The following PEAK1 variants were observed in gnomAD, a reference collection of about 807,000 sequenced individuals.
PEAK1 encodes pseudopodium enriched atypical kinase 1, also known as inactive tyrosine-protein kinase PEAK1.
In PEAK1, 54 loss-of-function variants were observed where a neutral mutation model predicts 124.7. The ratio of observed to expected loss-of-function variants is 0.43; its 90% CI spans 0.35 to 0.54. The LOEUF is 0.54. PEAK1 is among the 20% of genes least tolerant of loss of function. The pLI is 0.01. For missense variants in PEAK1, 2,046 were observed against 2,134.5 expected (o/e 0.96, Z 0.82); for synonymous variants, 719 against 760.0 (o/e 0.95, Z 0.89).
chr15:77,359,545 A>G (rs887417762), intron 2 of PEAK1, among the ~76,000 whole-genome samples: 5 of 152,176 alleles, frequency 3.3e-5, no homozygotes, highest in African/African-American at 1.2e-4. Flanking sequence ...ATGATCTTAC[A>G]TATTAAAAAG....
At chr15:77,372,381 C>T (rs2068706172) in intron 1 of PEAK1, among the ~76,000 whole-genome samples, 1 of 152,064 alleles carries the variant, frequency 6.6e-6, no homozygotes, top group Non-Finnish European at 1.5e-5. Flanking sequence ...AATTTGTAGC[C>T]CTCCATAGCC....
chr15:77,152,529 A>G (rs982216925), intron 8 of PEAK1, among the ~76,000 whole-genome samples: 2 of 152,128 alleles, frequency 1.3e-5, no homozygotes, highest in African/African-American at 4.8e-5. Context: ...CACTATGTTG[A>G]ATAGGAGCGG....
At chr15:77,229,646 TTTC>T (rs759097483) in intron 6 of PEAK1, among the ~76,000 whole-genome samples, 16 of 150,700 alleles carry the variant, frequency 1.1e-4, no homozygotes, top group Admixed American at 2.6e-4. Flanking sequence ...CTTTCTTTTC[TTTC>T]TTTTTTTTTT....
chr15:77,239,355 A>C (rs1164550844), intron 6 of PEAK1, among the ~76,000 whole-genome samples: 1 of 151,938 alleles, frequency 6.6e-6, no homozygotes, highest in Non-Finnish European at 1.5e-5. Context: ...AAGGGTAAGA[A>C]ACACTGGTAC....
chr15:77,209,596 G>A (rs1349474618), intron 6 of PEAK1, among the ~76,000 whole-genome samples: 1 of 152,140 alleles, frequency 6.6e-6, no homozygotes, highest in Admixed American at 6.6e-5. Context: ...GAAAACTCTG[G>A]CAAAGTCACA....
At chr15:77,151,079 C>A (rs547321009) in intron 8 of PEAK1, among the ~76,000 whole-genome samples, 35 of 152,018 alleles carry the variant, frequency 2.3e-4, no homozygotes, top group Admixed American at 1.6e-3. Flanking sequence ...ATGCCTGAGG[C>A]ATCGCCACAC....
rs762113646 is a variant in PEAK1, at chr15:77,179,454, G to A, written c.2473C>T (p.Pro825Ser). Residue 825 changes from proline to serine, a missense_variant, in exon 7 of 10, where the codon CCT becomes TCT. Pro to Ser is a moderately conservative substitution (Grantham distance 74). Coordinates refer to ENST00000682557, the MANE Select transcript of PEAK1 (RefSeq NM_001385026.1). ...TGAGGTGCTTCAGCCTCACCACTAG[G>A]CTGAGATGTAAAGAGAGATTTGGGC... ...VRPKSLFTSQ[P>S]SGEAEAPQTT... 1.2e-6 allele frequency: 2 copies of A among 1,614,002 alleles called. No homozygotes were observed. Among genetic ancestry groups the A allele is most frequent in the Admixed American group, 3.3e-5 (2 of 59,974 alleles).
At chr15:77,309,297 T>C (rs917371302) in intron 2 of PEAK1, among the ~76,000 whole-genome samples, 1 of 152,050 alleles carries the variant, frequency 6.6e-6, no homozygotes, top group Non-Finnish European at 1.5e-5. Context: ...CATAGAAAGT[T>C]CAGCGGCCAC....
At chr15:77,395,622 A>T (rs1044045057) in intron 1 of PEAK1, among the ~76,000 whole-genome samples, 2 of 152,160 alleles carry the variant, frequency 1.3e-5, no homozygotes, top group African/African-American at 4.8e-5. Context: ...TTTTCAGTGG[A>T]AACTTTACAG....
At chr15:77,255,813 G>A (rs1037098805) in intron 5 of PEAK1, among the ~76,000 whole-genome samples, 2 of 152,162 alleles carry the variant, frequency 1.3e-5, no homozygotes, top group Non-Finnish European at 2.9e-5. Flanking sequence ...TCCTGCTTCA[G>A]ATAGATATTA....
intron 1 of PEAK1, chr15:77,419,273 A>T: frequency 4.1e-6 from 4 of 985,342 alleles, no homozygotes; most frequent in Non-Finnish European, 4.8e-6. Flanking sequence ...AAACGAAATC[A>T]AGCTCCCAGA....
In PEAK1 at chr15:77,179,710, T is replaced by C; in HGVS notation, c.2217A>G (p.Gln739=). 1 of 1,614,100 alleles carries C rather than the reference T, an allele frequency of 6.2e-7. No homozygotes were observed. Among genetic ancestry groups the C allele is most frequent in the Non-Finnish European group, 8.5e-7 (1 of 1,179,996 alleles). ...TGCCTTCTATTTTGGCCACAGGCTC[T>C]TGAGTGGCTCTCTGGATCTTTGCTG... The part of the protein sequence containing the change: ...SSPAKIQRAT[Q]EPVAKIEGTQ... The change falls in exon 7 of 10, where the codon CAA becomes CAG. Residue 739 remains glutamine (Q), a synonymous_variant. Coordinates refer to ENST00000682557, the MANE Select transcript of PEAK1 (RefSeq NM_001385026.1).
rs2059654159 is a variant in PEAK1 at position 77,226,072 on chromosome 15, T to TTATATTACACACAC, written c.-115+26294_-115+26295insGTGTGTGTAATATA. ...ATATATATATATATATATATATATA[T>TTATATTACACACAC]ATATATATATATATATTACACACAC... On this transcript the variant is annotated intron_variant, in intron 6 of 9. Transcript: ENST00000682557. Among the ~76,000 whole-genome samples, 3 of 137,220 alleles carry TTATATTACACACAC rather than the reference T, an allele frequency of 2.2e-5. 1 individual carries two copies. The highest frequency in any genetic ancestry group is 2.7e-5 in the African/African-American group (1 of 36,964). The allele number at this position is 137,220 out of a possible 152,430, so 90.0% of individuals were successfully genotyped here. A position where few individuals can be genotyped will look rare whatever the true frequency, so the allele number is the denominator to read the frequency against.
chr15:77,234,115 C>G (rs1227511212), intron 6 of PEAK1, among the ~76,000 whole-genome samples: 2 of 152,182 alleles, frequency 1.3e-5, no homozygotes, highest in Non-Finnish European at 2.9e-5. Flanking sequence ...ATTCTCCCAT[C>G]TCAGGCCCCT....
Position 77,114,864 on chromosome 15 carries a change from A to T in PEAK1, c.4533T>A (p.His1511Gln). The stretch of plus-strand genomic sequence containing the variant: ...CTAGGCGTAGATCGCAGTGAGTGAC[A>T]TGGTAGGGTTTGAGGTGCTCAAGAC... Reference protein sequence around the residue: ...CSGLEHLKPYHVTHCDLRLEN... With the variant: ...CSGLEHLKPYQVTHCDLRLEN... Residue 1511 changes from histidine to glutamine, a missense_variant, in exon 10 of 10, where the codon CAT (histidine) becomes CAA (glutamine). Physicochemically the swap from His to Gln is conservative, Grantham distance 24. Coordinates refer to ENST00000682557, the MANE Select transcript of PEAK1 (RefSeq NM_001385026.1). 1 of 1,613,688 alleles carries T rather than the reference A, an allele frequency of 6.2e-7. No homozygotes were observed. The highest frequency in any genetic ancestry group is 8.5e-7 in the Non-Finnish European group (1 of 1,180,002).
At chr15:77,189,717 ACT>A (rs2057738535) in intron 6 of PEAK1, among the ~76,000 whole-genome samples, 1 of 152,036 alleles carries the variant, frequency 6.6e-6, no homozygotes, top group African/African-American at 2.4e-5. Flanking sequence ...GTCAGGAACC[ACT>A]CTGATTTGGA....
intron 2 of PEAK1, among the ~76,000 whole-genome samples, chr15:77,317,408 A>G (rs1424827413): frequency 6.6e-6 from 1 of 152,238 alleles, no homozygotes; most frequent in Non-Finnish European, 1.5e-5. Flanking sequence ...AGACACAATC[A>G]GTTAATAATT....
chr15:77,360,704 G>A (rs942814369), intron 2 of PEAK1, among the ~76,000 whole-genome samples: 3 of 151,934 alleles, frequency 2.0e-5, no homozygotes, highest in African/African-American at 7.3e-5. Context: ...CAAGGGTCCT[G>A]AAACCAATTC....
At chr15:77,221,158 T>C (rs977518595) in intron 6 of PEAK1, among the ~76,000 whole-genome samples, 76 of 152,126 alleles carry the variant, frequency 5.0e-4, no homozygotes, top group African/African-American at 1.8e-3. Flanking sequence ...CTAGGTCTGA[T>C]GGTTATACAT....
Sources: gnomAD v4.1 joint callset for allele counts (sites outside exome capture counted in the v4.1 genomes callset) on GRCh38, gnomAD v4.1.1 for gene constraint, MANE v1.5 for transcripts, NCBI Gene and HGNC (gene_info 2026-07-23, HGNC 2026-07-21) for gene names.